The following MTHFSD variants were observed in gnomAD, a reference collection of about 807,000 sequenced individuals.
The protein encoded by MTHFSD is methenyltetrahydrofolate synthetase domain containing.
MTHFSD carries 37 observed loss-of-function variants against 31.1 expected under a neutral mutation model. The observed-to-expected ratio is 1.19, with a 90% CI of 0.91 to 1.56. The LOEUF (loss-of-function observed/expected upper bound fraction) is 1.56. Ranked by LOEUF, MTHFSD falls within the 40% of genes most tolerant of loss-of-function variation. The pLI, the probability that MTHFSD is intolerant of heterozygous loss-of-function variation, is 0.00. For missense variants in MTHFSD, 664 were observed against 510.1 expected, an observed-to-expected ratio of 1.30 and a Z score of -2.91; for synonymous variants, 221 against 206.9, an observed-to-expected ratio of 1.07 and a Z score of -0.59.
chr16:86,553,357 G>C (rs1280334372), intron 2 of MTHFSD: 1 of 152,382 alleles, frequency 6.6e-6, no homozygotes, highest in Non-Finnish European at 1.5e-5. Flanking sequence ...CCTTCATCCC[G>C]CAGCTGCACT....
At chr16:86,540,620 G>A in intron 7 of MTHFSD, 1 of 953,996 alleles carries the variant, frequency 1.0e-6, no homozygotes, top group Non-Finnish European at 1.2e-6. Flanking sequence ...TCGGCTCTGA[G>A]GAGCCGCCAG....
intron 3 of MTHFSD, 174 bp downstream of exon 3, chr16:86,551,859 A>C: frequency 8.4e-7 from 1 of 1,192,828 alleles, no homozygotes; most frequent in Non-Finnish European, 1.1e-6. Context: ...AAACAGCTGA[A>C]GGGCTTCTGA....
At chr16:86,539,005 T>G (rs1971105562) in intron 7 of MTHFSD, among the ~76,000 whole-genome samples, 1 of 152,314 alleles carries the variant, frequency 6.6e-6, no homozygotes, top group African/African-American at 2.4e-5. Context: ...CAGAGCCTTC[T>G]GGGGAATGTC....
At chr16:86,553,244 C>T (rs1041182864) in intron 2 of MTHFSD, 3 of 152,260 alleles carry the variant, frequency 2.0e-5, no homozygotes, top group African/African-American at 7.2e-5. Context: ...AAACAGAAAA[C>T]AGCAACTAGC....
intron 3 of MTHFSD, among the ~76,000 whole-genome samples, chr16:86,549,695 C>CT (rs1972857757): frequency 6.6e-6 from 1 of 152,272 alleles, no homozygotes. Context: ...CTAGACCTCA[C>CT]TCCAGAGACT....
Position 86,552,145 on chromosome 16 carries a change from C to A in MTHFSD, c.125G>T (p.Gly42Val). The change falls in exon 3 of 8, where the codon GGG becomes GTG. Residue 42 changes from glycine (G) to valine (V), a missense_variant and splice_region_variant. Transcript: ENST00000360900. Reference sequence around the variant, plus strand: ...GATGTTTTGGCAAGCCAGATAAGACCCCTAGTTAGGCAAATAGACAGAGTT... The same window carrying A: ...GATGTTTTGGCAAGCCAGATAAGACACCTAGTTAGGCAAATAGACAGAGTT... The part of the protein sequence containing the change: ...PVHHRIPNFK[G>V]SYLACQNIKD... 1 of 1,614,132 alleles carries A rather than the reference C, an allele frequency of 6.2e-7. No individual in the cohort carries two copies. Among genetic ancestry groups the A allele is most frequent in the Non-Finnish European group, 8.5e-7 (1 of 1,180,032 alleles).
At chr16:86,550,336 T>C (rs1972959983) in intron 3 of MTHFSD, among the ~76,000 whole-genome samples, 1 of 152,230 alleles carries the variant, frequency 6.6e-6, no homozygotes, top group Non-Finnish European at 1.5e-5. Flanking sequence ...TTCTTCAGCC[T>C]GAATAAATGA....
intron 7 of MTHFSD, among the ~76,000 whole-genome samples, chr16:86,539,332 C>T (rs1336900875): frequency 5.3e-5 from 8 of 152,200 alleles, no homozygotes; most frequent in African/African-American, 1.9e-4. Context: ...GAAGGACCAT[C>T]CTAAGAATTC....
intron 7 of MTHFSD, among the ~76,000 whole-genome samples, chr16:86,536,655 T>C (rs1057020150): frequency 6.6e-6 from 1 of 152,238 alleles, no homozygotes; most frequent in African/African-American, 2.4e-5. Flanking sequence ...CACTAAGAAC[T>C]ATTTAGTAAA....
chr16:86,532,698 G>T (rs1043953498), intron 7 of MTHFSD: 5 of 385,432 alleles, frequency 1.3e-5, no homozygotes, highest in Non-Finnish European at 1.8e-5. Flanking sequence ...CTGGCTTAAG[G>T]GAAGTCAGCA....
intron 7 of MTHFSD, chr16:86,535,495 T>C: frequency 2.0e-6 from 2 of 985,436 alleles, no homozygotes; most frequent in Non-Finnish European, 2.4e-6. Flanking sequence ...CAATGAGGAA[T>C]AGTTGTTACA....
Position 86,530,428 on chromosome 16 carries a change from T to A in MTHFSD, c.*1583A>T, listed in dbSNP as rs1969893676. 6.6e-6 allele frequency: 1 copy of A among 152,098 alleles called. No individual in the cohort carries two copies. The highest frequency in any genetic ancestry group is 2.4e-5 in the African/African-American group (1 of 41,396). The allele number at this position is 152,098 out of a possible 1,614,324, so 9.4% of individuals were successfully genotyped here. ...GCATGGCTGGACACAGGAGTGCCAG[T>A]GGTGGGGTCAGAATCCAGCTTCTCC... On this transcript the variant is annotated 3_prime_UTR_variant, in exon 8 of 8. Transcript: ENST00000360900.
intron 7 of MTHFSD, 112 bp downstream of exon 7, chr16:86,541,585 C>A (rs1971520499): frequency 6.9e-7 from 1 of 1,451,568 alleles, no homozygotes; most frequent in East Asian, 2.5e-5. Flanking sequence ...TTGGGTGATT[C>A]TAACATACAG....
In MTHFSD at chr16:86,538,326, C is replaced by T. The variant is rs117570718; in HGVS notation, c.681+3371G>A. On this transcript the variant is annotated intron_variant, in intron 7 of 7. Coordinates refer to ENST00000360900, the MANE Select transcript of MTHFSD (RefSeq NM_001159377.2). ...GGGCAGAACAGAGCTTCCAGGGTGG[C>T]GGCGGCAGTGGCAGACCCGGGTCTC... is the stretch of plus-strand genomic sequence containing the variant. Among the ~76,000 whole-genome samples, 1,337 of 152,266 alleles carry T rather than the reference C, an allele frequency of 8.8e-3. 14 individuals are homozygous for T. Among genetic ancestry groups the T allele is most frequent in the Non-Finnish European group, 0.014 (922 of 68,012 alleles).
chr16:86,543,882 G>C (rs1367651856), intron 5 of MTHFSD, among the ~76,000 whole-genome samples: 1 of 152,124 alleles, frequency 6.6e-6, no homozygotes, highest in South Asian at 2.1e-4. Context: ...CCTCCTGTCC[G>C]ATCAGCTGCG....
rs1267009705 is a variant in MTHFSD, at chr16:86,530,326, C to T, written c.*1685G>A. On this transcript the variant is annotated 3_prime_UTR_variant, in exon 8 of 8. Transcript: ENST00000360900. ...TATTCTGGCTAAAGCGACAGGAAATCCCAGCAGTCTGGCTTCCCCGAGTAA... is the reference window on the plus strand; with the variant it reads ...TATTCTGGCTAAAGCGACAGGAAATTCCAGCAGTCTGGCTTCCCCGAGTAA... The T allele has an allele frequency of 6.6e-6, 1 of 152,228 alleles. No homozygotes were observed. Among genetic ancestry groups the T allele is most frequent in the Non-Finnish European group, 1.5e-5 (1 of 68,038 alleles). 9.4% of individuals were successfully genotyped at this position (152,228 alleles called of 1,614,324 possible).
intron 4 of MTHFSD, 88 bp downstream of exon 4, chr16:86,548,376 C>T (rs1972636453): frequency 9.2e-7 from 1 of 1,088,384 alleles, no homozygotes; most frequent in Admixed American, 2.1e-5. Context: ...TGAATTCCAA[C>T]TGTGTGCTGC....
intron 5 of MTHFSD, among the ~76,000 whole-genome samples, chr16:86,544,440 G>A (rs1971981448): frequency 6.6e-6 from 1 of 152,116 alleles, no homozygotes; most frequent in African/African-American, 2.4e-5. Flanking sequence ...GACACTCCTC[G>A]AAAGAAGACA....
chr16:86,538,344 C>T (rs942696362), intron 7 of MTHFSD, among the ~76,000 whole-genome samples: 1 of 152,166 alleles, frequency 6.6e-6, no homozygotes, highest in Non-Finnish European at 1.5e-5. Context: ...GTGGCAGACC[C>T]GGGTCTCCCC....
Sources: allele counts gnomAD v4.1 joint callset (sites outside exome capture counted in the v4.1 genomes callset), GRCh38; gene constraint gnomAD v4.1.1; transcripts MANE v1.5; gene names NCBI Gene and HGNC (gene_info 2026-07-23, HGNC 2026-07-21).